Variants in SLC25A25 observed in about 807,000 individuals in gnomAD.
SLC25A25 encodes the protein solute carrier family 25 member 25.
SLC25A25 carries 32 observed loss-of-function variants against 57.7 expected under a neutral mutation model. The observed-to-expected ratio is 0.55, with a 90% CI of 0.42 to 0.74. SLC25A25 has a LOEUF of 0.74. Among genes scored for constraint, SLC25A25 ranks in the 30% least tolerant of loss-of-function variants. The pLI, the probability that SLC25A25 is intolerant of heterozygous loss-of-function variation, is 0.00. For synonymous variants in SLC25A25, 306 were observed against 291.2 expected (o/e 1.05, Z -0.52); for missense variants, 556 against 701.3 (o/e 0.79, Z 2.34).
intron 6 of SLC25A25, among the ~76,000 whole-genome samples, chr9:128,104,653 T>C (rs1043080525): frequency 1.8e-4 from 27 of 152,246 alleles, no homozygotes; most frequent in African/African-American, 6.3e-4. Context: ...TTGTAGAGAT[T>C]GAAAGCAGGC....
At chr9:128,077,299 G>A (rs1833035997) in intron 1 of SLC25A25, among the ~76,000 whole-genome samples, 1 of 151,302 alleles carries the variant, frequency 6.6e-6, no homozygotes, top group Non-Finnish European at 1.5e-5. Context: ...AGGCCAAGTC[G>A]GGTGGATCAC....
intron 1 of SLC25A25, among the ~76,000 whole-genome samples, chr9:128,082,488 A>G (rs1415327590): frequency 6.6e-6 from 1 of 152,068 alleles, no homozygotes; most frequent in Non-Finnish European, 1.5e-5. Context: ...TCCAGCGGAG[A>G]CTGACATTCA....
intron 1 of SLC25A25, among the ~76,000 whole-genome samples, chr9:128,079,587 G>A (rs1833096351): frequency 2.6e-5 from 3 of 114,730 alleles, no homozygotes; most frequent in Non-Finnish European, 3.4e-5. Flanking sequence ...GCAAAACCTT[G>A]TCTCTACTAA....
Position 128,106,395 on chromosome 9 carries a change from T to G in SLC25A25, c.1087T>G (p.Ser363Ala). 7 of 1,613,762 alleles carry G rather than the reference T, an allele frequency of 4.3e-6. No homozygotes were observed. The highest frequency in any genetic ancestry group is 5.9e-6 in the Non-Finnish European group (7 of 1,179,912). Reference sequence around the variant, plus strand: ...GGCGCTGCGGAAGACAGGCCAGTACTCAGGAATGCTGGACTGCGCCAGGAG... The same window carrying G: ...GGCGCTGCGGAAGACAGGCCAGTACGCAGGAATGCTGGACTGCGCCAGGAG... ...RMALRKTGQYSGMLDCARRIL... is the reference protein window; with the variant it reads ...RMALRKTGQYAGMLDCARRIL... Residue 363 changes from serine (S) to alanine (A), a missense_variant, in exon 9 of 11, where the codon TCA becomes GCA. By Grantham distance (99) the Ser-to-Ala change is moderately conservative (BLOSUM62 1). Around this residue, in one of 3 missense-constraint regions of SLC25A25, gnomAD observed 294 missense variants for 389.6 expected, o/e 0.75. Coordinates refer to ENST00000373069, the MANE Select transcript of SLC25A25 (RefSeq NM_001330988.2).
intron 1 of SLC25A25, among the ~76,000 whole-genome samples, chr9:128,088,214 G>T (rs1304732767): frequency 2.0e-5 from 3 of 152,180 alleles, no homozygotes; most frequent in Non-Finnish European, 4.4e-5. Flanking sequence ...GGCTGGCTTT[G>T]CCTCACTGTA....
chr9:128,096,144 AGAGT>A (rs1446014538), intron 1 of SLC25A25, among the ~76,000 whole-genome samples: 1 of 152,198 alleles, frequency 6.6e-6, no homozygotes, highest in African/African-American at 2.4e-5. Context: ...TTTATAAAGT[AGAGT>A]GAGCATTCCT....
chr9:128,093,116 C>T lies in SLC25A25; in HGVS notation c.262-7980C>T, dbSNP rs542609194. Among the ~76,000 whole-genome samples the T allele has an allele frequency of 7.7e-4, 117 of 152,290 alleles. 5 individuals carry two copies. The highest frequency in any genetic ancestry group is 7.6e-3 in the Admixed American group (117 of 15,296). On this transcript the variant is annotated intron_variant, in intron 1 of 10. Coordinates refer to ENST00000373069, the MANE Select transcript of SLC25A25 (RefSeq NM_001330988.2). The stretch of plus-strand genomic sequence containing the variant: ...AATTGCTACATTTAAGAAATAAAAG[C>T]TCATTTTGCCTTTGCTACTAGGGAC...
chr9:128,091,563 A>ATTT, intron 1 of SLC25A25: 1 of 1,028,878 alleles, frequency 9.7e-7, no homozygotes, highest in Non-Finnish European at 1.2e-6. Flanking sequence ...TTTTTTTTTA[A>ATTT]AAAAAAGCCA....
chr9:128,088,305 A>G (rs1278953357), intron 1 of SLC25A25, among the ~76,000 whole-genome samples: 1 of 152,140 alleles, frequency 6.6e-6, no homozygotes. Context: ...AACGGGAACT[A>G]TTCCTAGCCC....
intron 1 of SLC25A25, among the ~76,000 whole-genome samples, chr9:128,096,533 A>G (rs1833563493): frequency 6.6e-6 from 1 of 152,102 alleles, no homozygotes; most frequent in African/African-American, 2.4e-5. Context: ...ATAATGATAC[A>G]TTATCTTGTC....
chr9:128,105,796 G>A lies in SLC25A25; in HGVS notation c.851G>A (p.Gly284Glu), dbSNP rs1298178280. The stretch of plus-strand genomic sequence containing the variant: ...TTCACTCAGATGATTCGAGAAGGAG[G>A]GGCCAGGTCACTCTGGCGGGGCAAT... ...GGFTQMIREG[G>E]ARSLWRGNGI... The change falls in exon 7 of 11, where the codon GGG becomes GAG. Residue 284 changes from glycine to glutamate, a missense_variant. Around this residue, in one of 3 missense-constraint regions of SLC25A25, gnomAD observed 294 missense variants for 389.6 expected, o/e 0.75. Coordinates refer to ENST00000373069, the MANE Select transcript of SLC25A25 (RefSeq NM_001330988.2). 6.2e-7 allele frequency: 1 copy of A among 1,614,096 alleles called. No individual in the cohort carries two copies. Among genetic ancestry groups the A allele is most frequent in the Non-Finnish European group, 8.5e-7 (1 of 1,180,044 alleles).
Position 128,081,375 on chromosome 9 carries a change from TAATA to T in SLC25A25, c.261+12799_261+12802del, listed in dbSNP as rs577875442. The stretch of plus-strand genomic sequence containing the variant: ...CTAAAAACATTTTATGTTGCTTTAG[TAATA>T]AATTTGTTGGTTTGCTTTTTCACGT... On this transcript the variant is annotated intron_variant, in intron 1 of 10. Coordinates refer to ENST00000373069, the MANE Select transcript of SLC25A25 (RefSeq NM_001330988.2). Among the ~76,000 whole-genome samples the T allele has an allele frequency of 2.0e-4, 31 of 152,342 alleles. 1 individual carries two copies. In the East Asian group the frequency reaches 5.8e-3, roughly 28 times the overall value.
At chr9:128,071,771 C>T (rs535804796) in intron 1 of SLC25A25, among the ~76,000 whole-genome samples, 22 of 151,054 alleles carry the variant, frequency 1.5e-4, no homozygotes, top group Non-Finnish European at 2.5e-4. Context: ...GGCTGGAGTG[C>T]GATGGTGTGA....
chr9:128,093,775 G>C (rs1833480619), intron 1 of SLC25A25, among the ~76,000 whole-genome samples: 1 of 152,210 alleles, frequency 6.6e-6, no homozygotes, highest in African/African-American at 2.4e-5. Context: ...GGTGTTTGGG[G>C]TTTGTGATCA....
In SLC25A25 at chr9:128,103,615, G is replaced by T; in HGVS notation, c.625-66G>T. 1 of 1,608,310 alleles carries T rather than the reference G, an allele frequency of 6.2e-7. No homozygotes were observed. The highest frequency in any genetic ancestry group is 2.2e-5 in the East Asian group (1 of 44,844). On this transcript the variant is annotated intron_variant, in intron 5 of 10. Transcript: ENST00000373069. The surrounding 1 kb of genome is among the most constrained non-coding windows in gnomAD (Gnocchi z 6.7). ...CCTGGAGCCGTGCTAGAGGGTAGAC[G>T]GCGACAGGTGCCAGCAGCCTTGCCC...
intron 1 of SLC25A25, among the ~76,000 whole-genome samples, chr9:128,087,158 T>G (rs1427392348): frequency 1.3e-5 from 2 of 149,912 alleles, no homozygotes; most frequent in African/African-American, 2.4e-5. Flanking sequence ...GAGGTTACAG[T>G]GAGCTGGGAT....
At chr9:128,100,856 A>G (rs2130816713) in intron 1 of SLC25A25, 1 of 522,608 alleles carries the variant, frequency 1.9e-6, no homozygotes, top group Non-Finnish European at 3.4e-6. Context: ...TCTCTGCTTG[A>G]GAGGGAGACA....
intron 1 of SLC25A25, chr9:128,092,035 G>A (rs568258259): frequency 4.3e-6 from 7 of 1,613,914 alleles, no homozygotes; most frequent in Admixed American, 3.3e-5. Flanking sequence ...CTGAGGCCAC[G>A]GAAAAAAGAC....
intron 1 of SLC25A25, among the ~76,000 whole-genome samples, chr9:128,089,122 T>C (rs1344117588): frequency 4.6e-5 from 7 of 152,208 alleles, no homozygotes; most frequent in Non-Finnish European, 5.9e-5. Context: ...TCTCAAACTC[T>C]GGGCTCAAAA....
Sources: gnomAD v4.1 joint callset for allele counts (sites outside exome capture counted in the v4.1 genomes callset) on GRCh38, gnomAD v4.1.1 for gene constraint, gnomAD v4.1.1 regional missense constraint, Gnocchi (gnomAD v3.1) non-coding constraint, MANE v1.5 for transcripts, NCBI Gene and HGNC (gene_info 2026-07-23, HGNC 2026-07-21) for gene names.